Variants in CDKN2B-AS1 observed in about 807,000 individuals in gnomAD.
CDKN2B-AS1 encodes the protein CDKN2B and CDKN2A antisense cis and trans regulatory RNA 1.
Position 21,999,117 on chromosome 9 carries a change from T to G in CDKN2B-AS1, n.29+3956T>G, listed in dbSNP as rs1820813740. On this transcript the variant is annotated intron_variant and non_coding_transcript_variant, in intron 1 of 4. Transcript: ENST00000650946. This position sits in a 1 kb window ranked among gnomAD's most constrained non-coding sequence, Gnocchi z 4.7. ...GTGGCAAAAAGAAAAAAGACTACTT[T>G]GACAAAGTTGTCAGGAAACAATCAC... 6.6e-6 allele frequency among the ~76,000 whole-genome samples: 1 copy of G among 152,104 alleles called. No homozygotes were observed. Among genetic ancestry groups the G allele is most frequent in the African/African-American group, 2.4e-5 (1 of 41,452 alleles).
At chr9:22,098,436 C>A (rs1364809717) in intron 4 of CDKN2B-AS1, among the ~76,000 whole-genome samples, 1 of 148,210 alleles carries the variant, frequency 6.7e-6, no homozygotes. Context: ...TTTTTTTTAT[C>A]ACCATGCTTT....
intron 1 of CDKN2B-AS1, among the ~76,000 whole-genome samples, chr9:22,044,499 TG>T (rs1823027481): frequency 6.6e-6 from 1 of 152,082 alleles, no homozygotes. Flanking sequence ...GTTATTATCC[TG>T]TAAATAACTG....
Position 22,116,885 on chromosome 9 carries a change from G to C in CDKN2B-AS1, n.439-10218G>C, listed in dbSNP as rs1450693048. ...TAAAACCATTCTTCCTGAATAACTTGGCTAAAAGGAATATTATGACTACAG... is the reference window on the plus strand; with the variant it reads ...TAAAACCATTCTTCCTGAATAACTTCGCTAAAAGGAATATTATGACTACAG... On this transcript the variant is annotated intron_variant and non_coding_transcript_variant, in intron 4 of 4. Transcript: ENST00000650946. Among the ~76,000 whole-genome samples, 5 of 152,308 alleles carry C rather than the reference G, an allele frequency of 3.3e-5. No individual in the cohort carries two copies. In the East Asian group the frequency reaches 7.7e-4, roughly 23 times the overall value.
intron 1 of CDKN2B-AS1, among the ~76,000 whole-genome samples, chr9:22,025,161 CAG>C (rs1220746010): frequency 6.6e-6 from 1 of 152,190 alleles, no homozygotes; most frequent in East Asian, 1.9e-4. Flanking sequence ...GGCTCCACCC[CAG>C]AGAGATGTGG....
At chr9:22,093,748 C>G (rs1175679806) in intron 4 of CDKN2B-AS1, among the ~76,000 whole-genome samples, 1 of 144,156 alleles carries the variant, frequency 6.9e-6, no homozygotes, top group Non-Finnish European at 1.5e-5. Context: ...ATACAGCACA[C>G]TGATGGGTCT....
rs948860423 is a variant in CDKN2B-AS1, at chr9:22,094,030, T to C, written n.439-33073T>C. Among the ~76,000 whole-genome samples the C allele has an allele frequency of 4.2e-5, 6 of 144,482 alleles. 1 individual carries two copies. Among genetic ancestry groups the C allele is most frequent in the African/African-American group, 1.2e-4 (4 of 34,636 alleles). The allele number at this position is 144,482 out of a possible 152,430, so 94.8% of individuals were successfully genotyped here. A position where few individuals can be genotyped will look rare whatever the true frequency, so the allele number is the denominator to read the frequency against. ...CAGGCCTGGTGGTGACAAAATCTCTTAGCATTTGCTTTTCTGTAAAGTATT... is the reference window on the plus strand; with the variant it reads ...CAGGCCTGGTGGTGACAAAATCTCTCAGCATTTGCTTTTCTGTAAAGTATT... On this transcript the variant is annotated intron_variant and non_coding_transcript_variant, in intron 4 of 4. Coordinates refer to ENST00000650946, the Ensembl canonical transcript of CDKN2B-AS1.
chr9:22,123,126 G>C (rs777966270), intron 4 of CDKN2B-AS1, among the ~76,000 whole-genome samples: 17 of 152,050 alleles, frequency 1.1e-4, no homozygotes, highest in Non-Finnish European at 2.4e-4. Context: ...TTGTAAATGG[G>C]ATTGCCTTCT....
chr9:22,024,409 A>G (rs1822145240), intron 1 of CDKN2B-AS1, among the ~76,000 whole-genome samples: 1 of 152,170 alleles, frequency 6.6e-6, no homozygotes, highest in Non-Finnish European at 1.5e-5. Flanking sequence ...AAGGCAAGGC[A>G]TTTTTGTGGG....
rs1257516351 is a variant in CDKN2B-AS1, at chr9:22,096,290, T to C, written n.439-30813T>C. Reference sequence around the variant, plus strand: ...CTATTACCTACATTGCACTAAGTACTGTGTGAGCATTAGAGAGAAAAAGAT... The same window carrying C: ...CTATTACCTACATTGCACTAAGTACCGTGTGAGCATTAGAGAGAAAAAGAT... On this transcript the variant is annotated intron_variant and non_coding_transcript_variant, in intron 4 of 4. Coordinates refer to ENST00000650946, the Ensembl canonical transcript of CDKN2B-AS1. The C allele has an allele frequency of 2.6e-5, 4 of 152,216 alleles. No individual in the cohort carries two copies. In the East Asian group the frequency reaches 7.7e-4, roughly 29 times the overall value. The allele number at this position is 152,216 out of a possible 1,614,324, so 9.4% of individuals were successfully genotyped here.
At chr9:22,055,339 C>A (rs567016622) in intron 3 of CDKN2B-AS1, among the ~76,000 whole-genome samples, 1 of 152,212 alleles carries the variant, frequency 6.6e-6, no homozygotes, top group African/African-American at 2.4e-5. Context: ...TAAACCAAGG[C>A]TTGGATTAGG....
chr9:22,007,034 A>T (rs1014795652), intron 1 of CDKN2B-AS1, among the ~76,000 whole-genome samples: 7 of 152,212 alleles, frequency 4.6e-5, no homozygotes, highest in Non-Finnish European at 1.0e-4. Flanking sequence ...GCTAAGATTT[A>T]AAAATGTTAA....
intron 1 of CDKN2B-AS1, among the ~76,000 whole-genome samples, chr9:22,016,608 C>A (rs1421859545): frequency 6.6e-6 from 1 of 151,994 alleles, no homozygotes; most frequent in Non-Finnish European, 1.5e-5. Flanking sequence ...AGATATAGAT[C>A]AATGGAACAG....
intron 1 of CDKN2B-AS1, chr9:22,012,133 C>T: frequency 9.2e-7 from 1 of 1,086,394 alleles, no homozygotes; most frequent in Non-Finnish European, 1.4e-6. Context: ...TTCAGCGAGG[C>T]AGCCGAGCTG....
intron 3 of CDKN2B-AS1, among the ~76,000 whole-genome samples, chr9:22,051,355 C>A (rs1203933071): frequency 6.6e-6 from 1 of 152,136 alleles, no homozygotes; most frequent in Non-Finnish European, 1.5e-5. Context: ...CAAGAGCTAG[C>A]CTCCTTTTCC....
intron 1 of CDKN2B-AS1, chr9:22,030,524 G>A (rs568494211): frequency 2.0e-5 from 3 of 152,240 alleles, no homozygotes; most frequent in African/African-American, 4.8e-5. Context: ...GTGACACAAT[G>A]TAAAATTGTA....
rs1587380333 is a variant in CDKN2B-AS1 at position 22,005,756 on chromosome 9, G to A, written n.29+10595G>A. 6 of 612,878 alleles carry A rather than the reference G, an allele frequency of 9.8e-6. No homozygotes were observed. The East Asian group carries it at 1.1e-4, about 11-fold the overall frequency. 38.0% of individuals were successfully genotyped at this position (612,878 alleles called of 1,614,324 possible). A position where few individuals can be genotyped will look rare whatever the true frequency, so the allele number is the denominator to read the frequency against. On this transcript the variant is annotated intron_variant and non_coding_transcript_variant, in intron 1 of 4. Coordinates refer to ENST00000650946, the Ensembl canonical transcript of CDKN2B-AS1. The surrounding 1 kb of genome is among the most constrained non-coding windows in gnomAD (Gnocchi z 4.9). Reference sequence around the variant, plus strand: ...CACTCCTAAATATCCCTGGAAATCCGCTTCTCTGTGTTTCGCTTCATGGTG... The same window carrying A: ...CACTCCTAAATATCCCTGGAAATCCACTTCTCTGTGTTTCGCTTCATGGTG...
At chr9:22,042,506 G>T (rs1822938980) in intron 1 of CDKN2B-AS1, among the ~76,000 whole-genome samples, 1 of 152,044 alleles carries the variant, frequency 6.6e-6, no homozygotes, top group Non-Finnish European at 1.5e-5. Flanking sequence ...ATTAAGGAAT[G>T]CATGAAGACT....
intron 1 of CDKN2B-AS1, chr9:22,033,050 TAGG>T (rs991501534): frequency 7.2e-5 from 11 of 152,050 alleles, no homozygotes; most frequent in African/African-American, 2.7e-4. Flanking sequence ...TAGATTCTCA[TAGG>T]AGCACAAACC....
At chr9:22,019,248 T>C (rs1284902904) in intron 1 of CDKN2B-AS1, among the ~76,000 whole-genome samples, 1 of 152,210 alleles carries the variant, frequency 6.6e-6, no homozygotes, top group African/African-American at 2.4e-5. Context: ...AGACACATGA[T>C]GTGATCAGAT....
Sources: allele counts gnomAD v4.1 joint callset (sites outside exome capture counted in the v4.1 genomes callset), GRCh38; gene constraint gnomAD v4.1.1; non-coding constraint Gnocchi (gnomAD v3.1); transcripts MANE v1.5; gene names NCBI Gene and HGNC (gene_info 2026-07-23, HGNC 2026-07-21).